DOCK4: variants seen among roughly 807,000 people sequenced by gnomAD.
DOCK4 encodes dedicator of cytokinesis protein 4.
Under a neutral mutation model 268.1 loss-of-function variants are expected in DOCK4, and 97 were observed. The observed-to-expected ratio is 0.36, with a 90% confidence interval of 0.31 to 0.43. The LOEUF (loss-of-function observed/expected upper bound fraction) is 0.43. DOCK4 is among the 20% of genes least tolerant of loss of function. The pLI, the probability that DOCK4 is intolerant of heterozygous loss-of-function variation, is 1.00. For synonymous variants in DOCK4, 954 were observed against 887.2 expected, an observed-to-expected ratio of 1.08 and a Z score of -1.34; for missense variants, 2,145 against 2,455.7, an observed-to-expected ratio of 0.87 and a Z score of 2.67.
intron 8 of DOCK4, among the ~76,000 whole-genome samples, chr7:111,959,720 A>G (rs1438208307): frequency 6.6e-6 from 1 of 152,226 alleles, no homozygotes; most frequent in Non-Finnish European, 1.5e-5. Context: ...ATTTCCTTTT[A>G]AAATTGAAAA....
intron 13 of DOCK4, among the ~76,000 whole-genome samples, chr7:111,909,983 A>G (rs925248784): frequency 3.9e-5 from 6 of 152,048 alleles, no homozygotes; most frequent in South Asian, 4.1e-4. Context: ...AAAAGAAAAA[A>G]AAAAAAACGT....
intron 36 of DOCK4, 118 bp downstream of exon 36, chr7:111,778,158 A>C (rs1798570497): frequency 1.6e-6 from 1 of 629,036 alleles, no homozygotes; most frequent in African/African-American, 1.9e-5. Flanking sequence ...ATTAAAAATA[A>C]ATTTTAATTT....
chr7:112,084,189 CAG>C (rs10584605), intron 1 of DOCK4, among the ~76,000 whole-genome samples: 14,389 of 152,186 alleles, frequency 0.095, 1,120 homozygotes, highest in East Asian at 0.4. Context: ...ATCTCTATCA[CAG>C]AGAGTGAGAA....
chr7:111,763,774 T>C (rs1797601151), intron 39 of DOCK4, among the ~76,000 whole-genome samples: 1 of 152,134 alleles, frequency 6.6e-6, no homozygotes, highest in Non-Finnish European at 1.5e-5. Flanking sequence ...CCATCTGCAG[T>C]CCTTAGGGGG....
chr7:111,913,720 T>G (rs1353184415), intron 13 of DOCK4, among the ~76,000 whole-genome samples: 3 of 151,538 alleles, frequency 2.0e-5, no homozygotes, highest in Middle Eastern at 3.4e-3. Context: ...CAATTTTTTT[T>G]TTTTTTTTTT....
At chr7:111,936,962 G>C (rs1443507109) in intron 11 of DOCK4, among the ~76,000 whole-genome samples, 1 of 152,140 alleles carries the variant, frequency 6.6e-6, no homozygotes, top group Non-Finnish European at 1.5e-5. Context: ...CTGTCTAGTT[G>C]TAAGACACCA....
intron 11 of DOCK4, 104 bp downstream of exon 11, chr7:111,940,006 C>A: frequency 8.4e-7 from 1 of 1,191,756 alleles, no homozygotes. Context: ...GGCTCATAAA[C>A]CACCCATTGT....
intron 1 of DOCK4, among the ~76,000 whole-genome samples, chr7:112,125,566 A>G (rs945362351): frequency 3.3e-5 from 5 of 152,350 alleles, no homozygotes; most frequent in Admixed American, 1.3e-4. Flanking sequence ...ATACAGGTAC[A>G]TGATTAAAAC....
At chr7:112,014,463 C>T (rs952515107) in intron 1 of DOCK4, among the ~76,000 whole-genome samples, 15 of 152,030 alleles carry the variant, frequency 9.9e-5, no homozygotes, top group African/African-American at 3.6e-4. Context: ...AAGATAGGGA[C>T]CCAGCCCCAA....
At chr7:111,958,857 GT>G (rs1182704008) in intron 8 of DOCK4, among the ~76,000 whole-genome samples, 17 of 152,278 alleles carry the variant, frequency 1.1e-4, no homozygotes, top group African/African-American at 4.1e-4. Flanking sequence ...TTCTTTGCTT[GT>G]TGTGTATTAA....
intron 12 of DOCK4, among the ~76,000 whole-genome samples, chr7:111,933,099 CATATATATACGTATATACACAT>C (rs1794341608): frequency 7.3e-6 from 1 of 137,184 alleles, no homozygotes; most frequent in African/African-American, 2.8e-5. Context: ...CGTATATACA[CATATATATACGTATATACACAT>C]ATATATACGT....
chr7:112,165,047 G>GA (rs1231897652), intron 1 of DOCK4, among the ~76,000 whole-genome samples: 1 of 152,040 alleles, frequency 6.6e-6, no homozygotes, highest in Non-Finnish European at 1.5e-5. Flanking sequence ...TGGCTAGAAG[G>GA]AAAAAATTGC....
intron 13 of DOCK4, among the ~76,000 whole-genome samples, chr7:111,908,743 C>T (rs766557347): frequency 9.9e-5 from 15 of 151,990 alleles, no homozygotes; most frequent in East Asian, 1.9e-4. Flanking sequence ...GTTCCCCTCC[C>T]GGTGTCCATG....
chr7:111,754,758 T>C (rs967279949), intron 42 of DOCK4, among the ~76,000 whole-genome samples: 1 of 152,156 alleles, frequency 6.6e-6, no homozygotes, highest in African/African-American at 2.4e-5. Flanking sequence ...TGTCCACAAC[T>C]GGGGCCTGGA....
At chr7:111,823,204 CT>C (rs917904625) in intron 26 of DOCK4, among the ~76,000 whole-genome samples, 2,172 of 116,242 alleles carry the variant, frequency 0.019, 29 homozygotes, top group Middle Eastern at 0.072. Flanking sequence ...GGAAATATTA[CT>C]TTTTTTTTTT....
chr7:111,922,012 G>T (rs1468018105), intron 12 of DOCK4, among the ~76,000 whole-genome samples: 1 of 152,212 alleles, frequency 6.6e-6, no homozygotes, highest in African/African-American at 2.4e-5. Flanking sequence ...TAACATAGGA[G>T]ACTTGACAAA....
chr7:111,823,035 T>C (rs1368292976), intron 26 of DOCK4, among the ~76,000 whole-genome samples: 5 of 152,156 alleles, frequency 3.3e-5, no homozygotes, highest in Non-Finnish European at 7.4e-5. Context: ...AATGAGGATA[T>C]GTGCTAAGTC....
chr7:111,766,683 G>A (rs1206230427), intron 38 of DOCK4, among the ~76,000 whole-genome samples: 1 of 152,190 alleles, frequency 6.6e-6, no homozygotes. Flanking sequence ...CAGATTTGCA[G>A]ATTATGGGAC....
chr7:111,763,373 C>T (rs2133617556), intron 39 of DOCK4, among the ~76,000 whole-genome samples: 1 of 152,196 alleles, frequency 6.6e-6, no homozygotes, highest in South Asian at 2.1e-4. Flanking sequence ...CCTTTAGAAA[C>T]CAACAGAGGG....
Sources: gnomAD v4.1 joint callset for allele counts (sites outside exome capture counted in the v4.1 genomes callset) on GRCh38, gnomAD v4.1.1 for gene constraint, MANE v1.5 for transcripts, NCBI Gene and HGNC (gene_info 2026-07-23, HGNC 2026-07-21) for gene names.